Variants in ZNF536 observed in about 807,000 individuals in gnomAD.
ZNF536 encodes the protein zinc finger protein 536.
Under a neutral mutation model 84.5 loss-of-function variants are expected in ZNF536, and 13 were observed. The observed-to-expected ratio is 0.15, with a 90% CI of 0.10 to 0.24. The LOEUF (loss-of-function observed/expected upper bound fraction) is 0.24. Ranked by LOEUF, ZNF536 falls within the 10% of genes least tolerant of loss-of-function variation. The pLI is 1.00. For missense variants in ZNF536, 1,536 were observed against 1,747.5 expected, an observed-to-expected ratio of 0.88 and a Z score of 2.16; for synonymous variants, 811 against 742.5, an observed-to-expected ratio of 1.09 and a Z score of -1.50.
At chr19:30,639,026 C>G (rs987082866) in intron 1 of ZNF536, among the ~76,000 whole-genome samples, 1 of 152,176 alleles carries the variant, frequency 6.6e-6, no homozygotes, top group Non-Finnish European at 1.5e-5. Flanking sequence ...ATTCTAAAGT[C>G]TGTAACTCTA....
chr19:30,289,598 C>T (rs1042853490), intron 2 of ZNF536, among the ~76,000 whole-genome samples: 4 of 152,198 alleles, frequency 2.6e-5, no homozygotes, highest in African/African-American at 9.6e-5. Context: ...AGGGGTGCTT[C>T]TCTCTTTATT....
At chr19:30,628,484 A>G (rs2048770585) in intron 1 of ZNF536, among the ~76,000 whole-genome samples, 1 of 148,048 alleles carries the variant, frequency 6.8e-6, no homozygotes, top group Non-Finnish European at 1.5e-5. Context: ...GCTGGAGTGC[A>G]GTGGTGTGAT....
intron 1 of ZNF536, among the ~76,000 whole-genome samples, chr19:30,254,826 C>T (rs1386476155): frequency 6.6e-6 from 1 of 152,178 alleles, no homozygotes; most frequent in Non-Finnish European, 1.5e-5. Context: ...TTTTCATCAT[C>T]AGCTGAGCCG....
chr19:30,387,470 C>A (rs1190836495), intron 1 of ZNF536, among the ~76,000 whole-genome samples: 1 of 152,140 alleles, frequency 6.6e-6, no homozygotes, highest in African/African-American at 2.4e-5. Flanking sequence ...CGGTGAGGGA[C>A]CCACTGCCTC....
intron 2 of ZNF536, among the ~76,000 whole-genome samples, chr19:30,295,833 G>A (rs731676): frequency 6.6e-6 from 1 of 151,946 alleles, no homozygotes; most frequent in Admixed American, 6.5e-5. Flanking sequence ...GAGGGGCAAA[G>A]CAGGCAGGAT....
At chr19:30,406,258 G>A (rs73020985) in intron 1 of ZNF536, among the ~76,000 whole-genome samples, 147 of 152,276 alleles carry the variant, frequency 9.7e-4, no homozygotes, top group Non-Finnish European at 1.8e-3. Context: ...AGTCAACCGC[G>A]ATGCATGCCC....
intron 1 of ZNF536, among the ~76,000 whole-genome samples, chr19:30,566,317 C>T (rs890312868): frequency 6.6e-6 from 1 of 152,206 alleles, no homozygotes. Context: ...CAAGGAACAG[C>T]TCCCTTTATC....
At chr19:30,667,197 C>T (rs1419941829) in intron 1 of ZNF536, among the ~76,000 whole-genome samples, 3 of 152,202 alleles carry the variant, frequency 2.0e-5, no homozygotes, top group Non-Finnish European at 4.4e-5. Context: ...TCCCGAGCAC[C>T]AGGTACTGTC....
chr19:30,306,433 A>C (rs1366074898), intron 2 of ZNF536, among the ~76,000 whole-genome samples: 1 of 152,204 alleles, frequency 6.6e-6, no homozygotes, highest in Non-Finnish European at 1.5e-5. Flanking sequence ...CAGACACACC[A>C]ATATCAAAAT....
intron 2 of ZNF536, among the ~76,000 whole-genome samples, chr19:30,465,526 C>T (rs1419346997): frequency 6.6e-6 from 1 of 152,178 alleles, no homozygotes; most frequent in African/African-American, 2.4e-5. Flanking sequence ...CTTATCACAT[C>T]GCCAGCACCC....
chr19:30,307,620 C>T (rs1313238887), intron 2 of ZNF536, among the ~76,000 whole-genome samples: 1 of 152,106 alleles, frequency 6.6e-6, no homozygotes, highest in Non-Finnish European at 1.5e-5. Flanking sequence ...CTGATACGTC[C>T]CTCCTGCTTC....
chr19:30,615,652 C>T (rs933500321), intron 1 of ZNF536, among the ~76,000 whole-genome samples: 2 of 151,584 alleles, frequency 1.3e-5, no homozygotes, highest in Non-Finnish European at 2.9e-5. Flanking sequence ...GAAAATGCTC[C>T]GTAGAATTTT....
chr19:30,439,242 C>T (rs1030973627), intron 1 of ZNF536, among the ~76,000 whole-genome samples: 3 of 152,176 alleles, frequency 2.0e-5, no homozygotes, highest in African/African-American at 4.8e-5. Context: ...CATTCAGCCT[C>T]GAAGGGACCT....
chr19:30,476,030 C>T (rs1421405873), intron 2 of ZNF536, among the ~76,000 whole-genome samples: 2 of 152,166 alleles, frequency 1.3e-5, no homozygotes, highest in Admixed American at 6.5e-5. Flanking sequence ...TTTGTCTCTC[C>T]CCGGGTCATT....
intron 2 of ZNF536, among the ~76,000 whole-genome samples, chr19:30,314,895 C>T (rs1391569852): frequency 6.6e-6 from 1 of 152,146 alleles, no homozygotes; most frequent in Non-Finnish European, 1.5e-5. Flanking sequence ...TACCCAGCCC[C>T]GATCCCCCAC....
intron 1 of ZNF536, among the ~76,000 whole-genome samples, chr19:30,600,062 G>T (rs1029678864): frequency 6.0e-5 from 9 of 151,032 alleles, no homozygotes; most frequent in African/African-American, 2.2e-4. Flanking sequence ...TTTTGTTGTT[G>T]TTGTTGTTTT....
At chr19:30,684,912 C>G (rs1417619055) in intron 1 of ZNF536, among the ~76,000 whole-genome samples, 1 of 152,162 alleles carries the variant, frequency 6.6e-6, no homozygotes, top group Non-Finnish European at 1.5e-5. Flanking sequence ...GACACTCAAA[C>G]TTAGCCTACT....
At chr19:30,434,296 C>T (rs940382808) in intron 1 of ZNF536, among the ~76,000 whole-genome samples, 2 of 152,184 alleles carry the variant, frequency 1.3e-5, no homozygotes, top group Non-Finnish European at 2.9e-5. Context: ...GAGTAACAGA[C>T]CTGCTACATT....
chr19:30,477,078 G>A (rs1277310440), intron 2 of ZNF536, among the ~76,000 whole-genome samples: 3 of 152,084 alleles, frequency 2.0e-5, no homozygotes, highest in Non-Finnish European at 4.4e-5. Flanking sequence ...CATGAGCCAT[G>A]GTAACTAGCC....
Sources: allele counts gnomAD v4.1 joint callset (sites outside exome capture counted in the v4.1 genomes callset), GRCh38; gene constraint gnomAD v4.1.1; transcripts MANE v1.5; gene names NCBI Gene and HGNC (gene_info 2026-07-23, HGNC 2026-07-21).